CSMD1: variants seen among roughly 807,000 people sequenced by gnomAD.
The protein encoded by CSMD1 is CUB and Sushi multiple domains 1.
In CSMD1, 213 loss-of-function variants were observed where a neutral mutation model predicts 417.5. The observed-to-expected ratio is 0.51, with a 90% CI of 0.46 to 0.57. The LOEUF (loss-of-function observed/expected upper bound fraction) is 0.57, where lower values mean the gene tolerates loss of function less well. CSMD1 is among the 20% of genes least tolerant of loss of function. CSMD1 has a pLI of 0.00. For synonymous variants in CSMD1, 2,862 were observed against 1,736.8 expected (o/e 1.65, Z -16.11); for missense variants, 6,923 against 4,529.7 (o/e 1.53, Z -15.17).
chr8:4,098,235 T>A (rs1801125699), intron 3 of CSMD1, among the ~76,000 whole-genome samples: 2 of 152,224 alleles, frequency 1.3e-5, no homozygotes, highest in Admixed American at 6.5e-5. Context: ...AATCTAATTA[T>A]ATTACAATAA....
intron 1 of CSMD1, among the ~76,000 whole-genome samples, chr8:4,881,445 A>ATCTG (rs1803391508): frequency 2.1e-5 from 1 of 47,028 alleles, no homozygotes; most frequent in African/African-American, 4.2e-5. Context: ...CTATCTATCT[A>ATCTG]TCTATCTATC....
intron 49 of CSMD1, among the ~76,000 whole-genome samples, chr8:3,085,406 G>C (rs1033530713): frequency 2.6e-5 from 4 of 152,216 alleles, no homozygotes; most frequent in African/African-American, 7.2e-5. Flanking sequence ...ACAAAGTCGT[G>C]TAAGTTATTT....
At chr8:4,831,153 T>A (rs559210497) in intron 1 of CSMD1, among the ~76,000 whole-genome samples, 2 of 152,316 alleles carry the variant, frequency 1.3e-5, no homozygotes, top group East Asian at 3.9e-4. Context: ...TCATCCGTTA[T>A]TCAATGGACA....
At chr8:3,991,447 A>C (rs894006868) in intron 5 of CSMD1, among the ~76,000 whole-genome samples, 7 of 152,182 alleles carry the variant, frequency 4.6e-5, no homozygotes, top group Non-Finnish European at 1.0e-4. Flanking sequence ...TCAGCTTGTC[A>C]TTCATGTGTC....
chr8:4,146,490 T>A (rs534143711), intron 3 of CSMD1, among the ~76,000 whole-genome samples: 1 of 150,398 alleles, frequency 6.6e-6, no homozygotes, highest in South Asian at 2.1e-4. Context: ...TTTACCCAGT[T>A]CCTCAGACGT....
At chr8:3,288,572 C>G (rs1312099924) in intron 25 of CSMD1, among the ~76,000 whole-genome samples, 1 of 147,280 alleles carries the variant, frequency 6.8e-6, no homozygotes, top group Non-Finnish European at 1.5e-5. Flanking sequence ...TCTAGATTTT[C>G]TAGTTTATTT....
intron 7 of CSMD1, among the ~76,000 whole-genome samples, chr8:3,660,283 G>A (rs12550780): frequency 0.16 from 25,059 of 151,932 alleles, 2,497 homozygotes; most frequent in East Asian, 0.38. Context: ...GTTTTTCCAT[G>A]ACCTTATCTG....
intron 3 of CSMD1, among the ~76,000 whole-genome samples, chr8:4,226,852 C>A (rs865774508): frequency 3.3e-5 from 5 of 152,124 alleles, no homozygotes; most frequent in African/African-American, 4.8e-5. Context: ...ATGTAGTCTC[C>A]CCCTGTCTTT....
chr8:3,008,645 A>G (rs752449673), intron 52 of CSMD1, among the ~76,000 whole-genome samples: 28 of 152,106 alleles, frequency 1.8e-4, no homozygotes, highest in African/African-American at 6.5e-4. Context: ...TGGGTGACCT[A>G]TGTTTTCTGG....
chr8:4,034,483 C>T (rs113963019), intron 3 of CSMD1, among the ~76,000 whole-genome samples: 2 of 152,240 alleles, frequency 1.3e-5, no homozygotes, highest in South Asian at 2.1e-4. Flanking sequence ...CATTCACTAT[C>T]CTTAAAGCAA....
At chr8:3,239,654 T>C (rs1799368360) in intron 26 of CSMD1, among the ~76,000 whole-genome samples, 2 of 152,234 alleles carry the variant, frequency 1.3e-5, no homozygotes, top group East Asian at 1.9e-4. Context: ...ATTTCTATGA[T>C]GGAAAGGAAA....
intron 10 of CSMD1, among the ~76,000 whole-genome samples, chr8:3,536,011 A>G (rs1798181810): frequency 6.6e-6 from 1 of 152,150 alleles, no homozygotes; most frequent in Admixed American, 6.5e-5. Context: ...TTGAAACAAA[A>G]AGTGACCTCC....
intron 49 of CSMD1, among the ~76,000 whole-genome samples, chr8:3,068,460 T>A (rs925551924): frequency 1.3e-5 from 2 of 152,184 alleles, no homozygotes; most frequent in African/African-American, 2.4e-5. Context: ...ATTAATGACA[T>A]AATATTAATA....
intron 10 of CSMD1, among the ~76,000 whole-genome samples, chr8:3,567,268 G>C (rs966876516): frequency 1.3e-5 from 2 of 152,024 alleles, no homozygotes; most frequent in Admixed American, 6.6e-5. Context: ...GGAACTACTG[G>C]AGGGTGCAGG....
intron 1 of CSMD1, among the ~76,000 whole-genome samples, chr8:4,680,413 C>T (rs1467263890): frequency 6.6e-6 from 1 of 152,184 alleles, no homozygotes; most frequent in Non-Finnish European, 1.5e-5. Flanking sequence ...GAATTTCCTT[C>T]ACCCTTTGAA....
intron 26 of CSMD1, among the ~76,000 whole-genome samples, chr8:3,282,354 T>A (rs2216776): frequency 6.6e-6 from 1 of 151,684 alleles, no homozygotes; most frequent in Non-Finnish European, 1.5e-5. Context: ...TTACTGCCAG[T>A]GCAAAACTAC....
chr8:2,997,555 A>G (rs1275298911), intron 54 of CSMD1, among the ~76,000 whole-genome samples: 2 of 152,246 alleles, frequency 1.3e-5, no homozygotes, highest in East Asian at 3.8e-4. Flanking sequence ...CTAGAAATGC[A>G]AAAAAGAACA....
intron 3 of CSMD1, among the ~76,000 whole-genome samples, chr8:4,150,449 T>C (rs1796512723): frequency 6.6e-6 from 1 of 152,216 alleles, no homozygotes; most frequent in South Asian, 2.1e-4. Context: ...TCAGTGCCTT[T>C]TACCGGGGCT....
intron 6 of CSMD1, among the ~76,000 whole-genome samples, chr8:3,715,694 C>T (rs1267681338): frequency 6.6e-6 from 1 of 152,114 alleles, no homozygotes; most frequent in Non-Finnish European, 1.5e-5. Flanking sequence ...AGGCACCTGC[C>T]ACCAAACCCA....
Sources: gnomAD v4.1 joint callset for allele counts (sites outside exome capture counted in the v4.1 genomes callset) on GRCh38, gnomAD v4.1.1 for gene constraint, MANE v1.5 for transcripts, NCBI Gene and HGNC (gene_info 2026-07-23, HGNC 2026-07-21) for gene names.